The following ENOX1 variants were observed in gnomAD, a reference collection of about 807,000 sequenced individuals.
The protein encoded by ENOX1 is candidate growth-related and time keeping constitutive hydroquinone (NADH) oxidase.
ENOX1 carries 42 observed loss-of-function variants against 82.5 expected under a neutral mutation model. The ratio of observed to expected loss-of-function variants is 0.51; its 90% CI spans 0.40 to 0.66. The LOEUF (loss-of-function observed/expected upper bound fraction) is 0.66, where lower values mean the gene tolerates loss of function less well. Ranked by LOEUF, ENOX1 falls within the 30% of genes least tolerant of loss-of-function variation. The pLI is 0.00. For synonymous variants in ENOX1, 271 were observed against 282.2 expected, an observed-to-expected ratio of 0.96 and a Z score of 0.40; for missense variants, 608 against 811.6, an observed-to-expected ratio of 0.75 and a Z score of 3.05.
At chr13:43,586,891 T>G (rs1386701715) in intron 2 of ENOX1, among the ~76,000 whole-genome samples, 3 of 142,460 alleles carry the variant, frequency 2.1e-5, no homozygotes, top group African/African-American at 7.8e-5. Flanking sequence ...GGTGAAACCC[T>G]GTCTCTACTA....
chr13:43,515,956 G>A (rs1310831949), intron 2 of ENOX1, among the ~76,000 whole-genome samples: 2 of 152,114 alleles, frequency 1.3e-5, no homozygotes, highest in Admixed American at 1.3e-4. Flanking sequence ...AGGGCCTAGT[G>A]CACACAAGCC....
At chr13:43,332,792 C>A (rs2048480186) in intron 9 of ENOX1, among the ~76,000 whole-genome samples, 1 of 151,622 alleles carries the variant, frequency 6.6e-6, no homozygotes, top group Admixed American at 6.6e-5. Context: ...TTTTTAAATC[C>A]AATAAATCTC....
chr13:43,310,184 C>T (rs1187066663), intron 11 of ENOX1, among the ~76,000 whole-genome samples: 2 of 110,140 alleles, frequency 1.8e-5, no homozygotes, highest in East Asian at 2.6e-4. Context: ...GGTGACAGAG[C>T]GAGATTCCAT....
At chr13:43,684,755 AC>A (rs1331038930) in intron 1 of ENOX1, among the ~76,000 whole-genome samples, 1 of 152,198 alleles carries the variant, frequency 6.6e-6, no homozygotes, top group Non-Finnish European at 1.5e-5. Flanking sequence ...TAAGAGCTAA[AC>A]TAAGCCAATG....
At chr13:43,662,066 C>T (rs1465550096) in intron 2 of ENOX1, among the ~76,000 whole-genome samples, 3 of 152,090 alleles carry the variant, frequency 2.0e-5, no homozygotes, top group Non-Finnish European at 4.4e-5. Flanking sequence ...GTCCTATCGA[C>T]TTTGGGGCCA....
chr13:43,479,639 G>A (rs1432018625), intron 3 of ENOX1, among the ~76,000 whole-genome samples: 3 of 152,240 alleles, frequency 2.0e-5, no homozygotes, highest in African/African-American at 7.2e-5. Flanking sequence ...GTATGTTAGT[G>A]TATTTCTAGG....
chr13:43,218,694 A>G (rs2041621669), intron 16 of ENOX1, among the ~76,000 whole-genome samples: 1 of 152,232 alleles, frequency 6.6e-6, no homozygotes, highest in Non-Finnish European at 1.5e-5. Flanking sequence ...TTTATATCTC[A>G]TGACAGAAGA....
At chr13:43,292,760 C>T (rs1164684591) in intron 12 of ENOX1, among the ~76,000 whole-genome samples, 1 of 151,318 alleles carries the variant, frequency 6.6e-6, no homozygotes, top group African/African-American at 2.4e-5. Context: ...GCCATAGCCA[C>T]CGTTGCCACT....
intron 1 of ENOX1, among the ~76,000 whole-genome samples, chr13:43,772,117 T>C (rs1442251322): frequency 1.3e-5 from 2 of 152,060 alleles, no homozygotes; most frequent in African/African-American, 4.8e-5. Flanking sequence ...ACTGCAAAGA[T>C]AGTAGGATAA....
At chr13:43,406,734 C>T (rs1010118515) in intron 5 of ENOX1, among the ~76,000 whole-genome samples, 3 of 151,980 alleles carry the variant, frequency 2.0e-5, no homozygotes, top group African/African-American at 7.3e-5. Flanking sequence ...ACCTCTTGAT[C>T]CGCCTGCCTC....
chr13:43,499,221 T>A (rs914147026), intron 2 of ENOX1, among the ~76,000 whole-genome samples: 5 of 151,944 alleles, frequency 3.3e-5, no homozygotes, highest in African/African-American at 1.2e-4. Context: ...AGAAATATGA[T>A]CTCTGTGGTA....
chr13:43,521,963 T>C (rs2077788184), intron 2 of ENOX1, among the ~76,000 whole-genome samples: 1 of 152,148 alleles, frequency 6.6e-6, no homozygotes, highest in South Asian at 2.1e-4. Flanking sequence ...CTGTATAGAA[T>C]CATGTATAGA....
At chr13:43,434,957 T>G (rs1247516103) in intron 3 of ENOX1, among the ~76,000 whole-genome samples, 1 of 146,656 alleles carries the variant, frequency 6.8e-6, no homozygotes, top group Non-Finnish European at 1.5e-5. Flanking sequence ...TTTTTTTTTT[T>G]TTTTTGTATA....
intron 9 of ENOX1, among the ~76,000 whole-genome samples, chr13:43,329,604 G>A (rs1328753446): frequency 6.6e-6 from 1 of 152,122 alleles, no homozygotes; most frequent in Non-Finnish European, 1.5e-5. Flanking sequence ...AACATTTTCT[G>A]GGCCATTCTC....
rs117222933 is a variant in ENOX1, at chr13:43,665,659, C to T, written c.-219+1820G>A. On this transcript the variant is annotated intron_variant, in intron 2 of 16. Coordinates refer to ENST00000690772, the MANE Select transcript of ENOX1 (RefSeq NM_001347969.2). ...GGCAGTTCAACCTGCGATGCCAACA[C>T]AGACAGCAGTACCGGCTCACACAAA... is the stretch of plus-strand genomic sequence containing the variant. Among the ~76,000 whole-genome samples, 105 of 151,982 alleles carry T rather than the reference C, an allele frequency of 6.9e-4. 1 individual carries two copies. In the East Asian group the frequency reaches 0.014, roughly 20 times the overall value.
At chr13:43,327,376 G>A (rs1160883242) in intron 9 of ENOX1, among the ~76,000 whole-genome samples, 3 of 152,146 alleles carry the variant, frequency 2.0e-5, no homozygotes, top group Non-Finnish European at 2.9e-5. Context: ...TTCAGGCCTG[G>A]TGCTACTGGA....
At chr13:43,679,101 C>T (rs1234815260) in intron 1 of ENOX1, among the ~76,000 whole-genome samples, 1 of 152,202 alleles carries the variant, frequency 6.6e-6, no homozygotes, top group African/African-American at 2.4e-5. Flanking sequence ...ACTATACCCT[C>T]AACCACTATG....
intron 1 of ENOX1, among the ~76,000 whole-genome samples, chr13:43,735,800 A>G (rs1173551091): frequency 6.6e-6 from 1 of 152,214 alleles, no homozygotes; most frequent in African/African-American, 2.4e-5. Context: ...CAAAATCTCT[A>G]CAGTGGTAGG....
chr13:43,464,115 G>A (rs930898440), intron 3 of ENOX1, among the ~76,000 whole-genome samples: 3 of 152,148 alleles, frequency 2.0e-5, no homozygotes, highest in Non-Finnish European at 4.4e-5. Context: ...TCACTCTTAA[G>A]CTGAATTCTA....
Sources: gnomAD v4.1 joint callset for allele counts (sites outside exome capture counted in the v4.1 genomes callset) on GRCh38, gnomAD v4.1.1 for gene constraint, MANE v1.5 for transcripts, NCBI Gene and HGNC (gene_info 2026-07-23, HGNC 2026-07-21) for gene names.